The following FNBP1L variants were observed in gnomAD, a reference collection of about 807,000 sequenced individuals.
FNBP1L encodes the protein formin-binding protein 1-like.
Under a neutral mutation model 91.2 loss-of-function variants are expected in FNBP1L, and 36 were observed. That is an observed-to-expected ratio of 0.39 (90% CI 0.30 to 0.52). FNBP1L has a LOEUF of 0.52. FNBP1L is among the 20% of genes least tolerant of loss of function. FNBP1L has a pLI of 0.66. For synonymous variants in FNBP1L, 242 were observed against 237.0 expected (o/e 1.02, Z -0.19); for missense variants, 571 against 732.1 (o/e 0.78, Z 2.54).
intron 1 of FNBP1L, among the ~76,000 whole-genome samples, chr1:93,454,142 A>G (rs991156399): frequency 6.6e-6 from 1 of 152,172 alleles, no homozygotes; most frequent in African/African-American, 2.4e-5. Context: ...TCCTGCCTGG[A>G]TTAGCCTGAC....
chr1:93,526,774 G>A (rs2101754060), intron 5 of FNBP1L, among the ~76,000 whole-genome samples: 1 of 152,256 alleles, frequency 6.6e-6, no homozygotes, highest in African/African-American at 2.4e-5. Context: ...CAGGGAAGGA[G>A]CATTTTTAAT....
chr1:93,523,951 T>G (rs1431294785), intron 4 of FNBP1L, among the ~76,000 whole-genome samples: 1 of 152,206 alleles, frequency 6.6e-6, no homozygotes, highest in Non-Finnish European at 1.5e-5. Context: ...GCCTGCAATA[T>G]TTATCTGACC....
In FNBP1L at chr1:93,468,420, C is replaced by T. The variant is rs144628131; in HGVS notation, c.24+20115C>T. Among the ~76,000 whole-genome samples, 440 of 152,028 alleles carry T rather than the reference C, an allele frequency of 2.9e-3. 1 individual carries two copies. Among genetic ancestry groups the T allele is most frequent in the Non-Finnish European group, 5.0e-3 (338 of 67,992 alleles). ...TGCTGCTGTGTGCTGTGAACATTAACGGACAAATTTTTCTTTCTGTGTTTC... is the reference window on the plus strand; with the variant it reads ...TGCTGCTGTGTGCTGTGAACATTAATGGACAAATTTTTCTTTCTGTGTTTC... On this transcript the variant is annotated intron_variant, in intron 1 of 16. Coordinates refer to ENST00000271234, the MANE Select transcript of FNBP1L (RefSeq NM_001164473.3).
At chr1:93,533,974 G>C (rs1369415379) in intron 8 of FNBP1L, among the ~76,000 whole-genome samples, 1 of 152,168 alleles carries the variant, frequency 6.6e-6, no homozygotes, top group Non-Finnish European at 1.5e-5. Context: ...AAGAGAGGTT[G>C]TTGTTAGGGG....
chr1:93,515,181 C>A (rs1212391781), intron 2 of FNBP1L, among the ~76,000 whole-genome samples: 1 of 152,164 alleles, frequency 6.6e-6, no homozygotes, highest in Non-Finnish European at 1.5e-5. Flanking sequence ...CCATCACTGG[C>A]CATCAGAGAA....
rs1668338018 is a variant in FNBP1L at position 93,448,317 on chromosome 1, A to G, written c.24+12A>G. On this transcript the variant is annotated intron_variant, in intron 1 of 16. Coordinates refer to ENST00000271234, the MANE Select transcript of FNBP1L (RefSeq NM_001164473.3). ...GCACGGAGCTGTGGGTGAGTCGGGGAGAGGGGCGCCCCGCACGGACCCCGG... is the reference window on the plus strand; with the variant it reads ...GCACGGAGCTGTGGGTGAGTCGGGGGGAGGGGCGCCCCGCACGGACCCCGG... 6.0e-6 allele frequency: 9 copies of G among 1,507,002 alleles called. No individual in the cohort carries two copies. The highest frequency in any genetic ancestry group is 2.7e-6 in the Non-Finnish European group (3 of 1,129,012). 93.4% of individuals were successfully genotyped at this position (1,507,002 alleles called of 1,614,324 possible). A position where few individuals can be genotyped will look rare whatever the true frequency, so the allele number is the denominator to read the frequency against.
At chr1:93,450,793 C>T (rs1014914646) in intron 1 of FNBP1L, among the ~76,000 whole-genome samples, 1 of 152,170 alleles carries the variant, frequency 6.6e-6, no homozygotes, top group Non-Finnish European at 1.5e-5. Context: ...TAGCCATGCA[C>T]TTAAACCTGA....
At chr1:93,518,228 G>A (rs565010080) in intron 2 of FNBP1L, among the ~76,000 whole-genome samples, 1 of 152,180 alleles carries the variant, frequency 6.6e-6, no homozygotes, top group African/African-American at 2.4e-5. Flanking sequence ...ACGTAATAGA[G>A]TCATTTTATA....
intron 11 of FNBP1L, chr1:93,543,696 A>T (rs1672122699): frequency 6.6e-6 from 1 of 152,330 alleles, no homozygotes; most frequent in Non-Finnish European, 1.5e-5. Context: ...AAATGTTGTG[A>T]TATGTTATAT....
chr1:93,538,586 A>C (rs1219210104), intron 10 of FNBP1L, among the ~76,000 whole-genome samples: 2 of 152,110 alleles, frequency 1.3e-5, no homozygotes, highest in Non-Finnish European at 2.9e-5. Context: ...GGTATTTACT[A>C]GATATTTATC....
At chr1:93,529,198 AT>A (rs1484438469) in intron 5 of FNBP1L, among the ~76,000 whole-genome samples, 2 of 152,100 alleles carry the variant, frequency 1.3e-5, no homozygotes, top group Admixed American at 6.6e-5. Flanking sequence ...GAGGACTTAT[AT>A]TTTTTATAAA....
chr1:93,473,519 C>T (rs1411924457), intron 1 of FNBP1L, among the ~76,000 whole-genome samples: 4 of 152,088 alleles, frequency 2.6e-5, no homozygotes, highest in Non-Finnish European at 4.4e-5. Flanking sequence ...TTTATTAATC[C>T]TCTAGTGGGG....
chr1:93,499,119 T>G (rs1420413690), intron 1 of FNBP1L, among the ~76,000 whole-genome samples: 1 of 152,102 alleles, frequency 6.6e-6, no homozygotes, highest in Non-Finnish European at 1.5e-5. Flanking sequence ...CTGGAGAAAG[T>G]CTGAGAGTTT....
At chr1:93,476,556 A>C (rs532942247) in intron 1 of FNBP1L, among the ~76,000 whole-genome samples, 1 of 152,316 alleles carries the variant, frequency 6.6e-6, no homozygotes. Flanking sequence ...AGATAGTTGC[A>C]TAGAGGGGTA....
At position 93,549,308 on chromosome 1, in the gene FNBP1L, C is replaced by G; in HGVS notation, c.1533C>G (p.Asn511Lys). 6.2e-7 allele frequency: 1 copy of G among 1,612,044 alleles called. No individual in the cohort carries two copies. The highest frequency in any genetic ancestry group is 8.5e-7 in the Non-Finnish European group (1 of 1,179,146). ...SPEGSYTDDANQEVRGPPQQH... is the reference protein window; with the variant it reads ...SPEGSYTDDAKQEVRGPPQQH... ...AGGGAAGTTACACTGATGATGCAAA[C>G]CAGGAAGTCCGTGGGCCACCCCAGC... The change falls in exon 15 of 17, where the codon AAC becomes AAG. Residue 511 changes from asparagine (N) to lysine (K), a missense_variant. This residue lies in a region of FNBP1L where 189 missense variants were observed against 219.7 expected (regional missense o/e 0.86). Coordinates refer to ENST00000271234, the MANE Select transcript of FNBP1L (RefSeq NM_001164473.3).
chr1:93,522,058 C>T, intron 2 of FNBP1L, 24 bp from the exon 3 acceptor site: 1 of 1,443,878 alleles, frequency 6.9e-7, no homozygotes, highest in Non-Finnish European at 9.2e-7. Flanking sequence ...TTTTAATAAA[C>T]TTTAAAAAAT....
At chr1:93,549,246 T>C (rs1305792522) in intron 14 of FNBP1L, 32 bp from the exon 15 acceptor site, 3 of 1,564,688 alleles carry the variant, frequency 1.9e-6, no homozygotes, top group Non-Finnish European at 2.6e-6. Context: ...ATGTTTATGA[T>C]ACTTGATCAG....
intron 1 of FNBP1L, among the ~76,000 whole-genome samples, chr1:93,448,677 C>T (rs1250839514): frequency 6.6e-6 from 1 of 152,156 alleles, no homozygotes; most frequent in Non-Finnish European, 1.5e-5. Flanking sequence ...TCCTTTGTAT[C>T]TCTCCTCCCG....
intron 10 of FNBP1L, among the ~76,000 whole-genome samples, chr1:93,540,538 C>G (rs942369346): frequency 6.6e-6 from 1 of 151,950 alleles, no homozygotes; most frequent in African/African-American, 2.4e-5. Context: ...CCTCATCTAA[C>G]CATGGTATAT....
Sources: gnomAD v4.1 joint callset for allele counts (sites outside exome capture counted in the v4.1 genomes callset) on GRCh38, gnomAD v4.1.1 for gene constraint, gnomAD v4.1.1 regional missense constraint, MANE v1.5 for transcripts, NCBI Gene and HGNC (gene_info 2026-07-23, HGNC 2026-07-21) for gene names.